Variants in TFDP2 observed in about 807,000 individuals in gnomAD.
TFDP2 encodes transcription factor Dp-2.
TFDP2 carries 17 observed loss-of-function variants against 59.3 expected under a neutral mutation model. The observed-to-expected ratio is 0.29, with a 90% CI of 0.20 to 0.43. The LOEUF (loss-of-function observed/expected upper bound fraction) is 0.43. Among genes scored for constraint, TFDP2 ranks in the 20% least tolerant of loss-of-function variants. The pLI, the probability that TFDP2 is intolerant of heterozygous loss-of-function variation, is 1.00. For synonymous variants in TFDP2, 180 were observed against 194.7 expected (o/e 0.92, Z 0.63); for missense variants, 391 against 528.8 (o/e 0.74, Z 2.56).
chr3:142,141,279 C>T (rs150284872), intron 1 of TFDP2, among the ~76,000 whole-genome samples: 2 of 152,218 alleles, frequency 1.3e-5, no homozygotes, highest in Non-Finnish European at 2.9e-5. Context: ...TCTGTCACGG[C>T]TTCCCTTGAC....
intron 3 of TFDP2, among the ~76,000 whole-genome samples, chr3:142,065,741 G>C (rs879585101): frequency 6.6e-6 from 1 of 152,048 alleles, no homozygotes; most frequent in Non-Finnish European, 1.5e-5. Context: ...TCAAACTCCT[G>C]ACCTCAAGTG....
At chr3:142,001,624 C>T (rs1359171973) in intron 4 of TFDP2, among the ~76,000 whole-genome samples, 1 of 152,176 alleles carries the variant, frequency 6.6e-6, no homozygotes, top group Non-Finnish European at 1.5e-5. Context: ...TTATTCTTTA[C>T]ATGGCCAAGC....
intron 1 of TFDP2, among the ~76,000 whole-genome samples, chr3:142,113,072 C>A (rs1465720742): frequency 6.6e-6 from 1 of 152,132 alleles, no homozygotes; most frequent in Non-Finnish European, 1.5e-5. Flanking sequence ...TCAAGCAGTA[C>A]AAGTCAAATT....
rs912451590 is a variant in TFDP2, at chr3:142,121,973, A to G, written c.-92-20132T>C. ...CTGTCTATTAAGACCTCAGAGAACA[A>G]GTTCAACCATGCCAACTTTCCCTCT... On this transcript the variant is annotated intron_variant, in intron 1 of 12. Transcript: ENST00000489671. The surrounding 1 kb of genome is among the most constrained non-coding windows in gnomAD (Gnocchi z 4.3). Among the ~76,000 whole-genome samples, 2 of 152,234 alleles carry G rather than the reference A, an allele frequency of 1.3e-5. No homozygotes were observed. Among genetic ancestry groups the G allele is most frequent in the African/African-American group, 4.8e-5 (2 of 41,462 alleles).
At chr3:142,148,908 C>T (rs1056571066) in intron 1 of TFDP2, among the ~76,000 whole-genome samples, 2 of 152,252 alleles carry the variant, frequency 1.3e-5, no homozygotes, top group Non-Finnish European at 2.9e-5. Flanking sequence ...AAGTAGAAAG[C>T]AGCCCTTCCC....
At chr3:141,953,222 A>T (rs1442507433) in intron 11 of TFDP2, among the ~76,000 whole-genome samples, 1 of 152,136 alleles carries the variant, frequency 6.6e-6, no homozygotes, top group Non-Finnish European at 1.5e-5. Context: ...GGAAAAAAAA[A>T]ATACGGGAAG....
chr3:142,005,685 C>T (rs998771257), intron 3 of TFDP2, 141 bp from the exon 4 acceptor site: 1 of 529,630 alleles, frequency 1.9e-6, no homozygotes, highest in African/African-American at 1.9e-5. Context: ...CAAAATACAC[C>T]TTACTGAAAA....
intron 4 of TFDP2, chr3:142,000,281 T>C (rs1560006238): frequency 4.3e-6 from 3 of 702,814 alleles, no homozygotes; most frequent in Non-Finnish European, 7.8e-6. Context: ...AGGTCCAAAA[T>C]GAAAGTGCCG....
At chr3:141,955,151 ACACAT>A (rs1936439800) in intron 11 of TFDP2, among the ~76,000 whole-genome samples, 1 of 152,200 alleles carries the variant, frequency 6.6e-6, no homozygotes, top group Non-Finnish European at 1.5e-5. Flanking sequence ...TGTGAGCATA[ACACAT>A]TACATTCTCT....
chr3:142,059,770 C>A (rs1348896506), intron 3 of TFDP2, among the ~76,000 whole-genome samples: 6 of 152,006 alleles, frequency 3.9e-5, no homozygotes, highest in African/African-American at 1.5e-4. Flanking sequence ...TTAGTAGAGA[C>A]GGGGTTTTGC....
chr3:142,117,636 C>T (rs1269656082), intron 1 of TFDP2, among the ~76,000 whole-genome samples: 1 of 152,154 alleles, frequency 6.6e-6, no homozygotes, highest in African/African-American at 2.4e-5. Context: ...GAGGTTAGGA[C>T]TTGATAGCTA....
At chr3:142,112,687 T>C (rs763262540) in intron 1 of TFDP2, among the ~76,000 whole-genome samples, 4 of 152,076 alleles carry the variant, frequency 2.6e-5, no homozygotes, top group African/African-American at 7.2e-5. Flanking sequence ...CCTGGCAAAT[T>C]GATTTTTTTT....
At chr3:142,034,786 G>A (rs994679016) in intron 3 of TFDP2, among the ~76,000 whole-genome samples, 2 of 150,482 alleles carry the variant, frequency 1.3e-5, no homozygotes, top group Non-Finnish European at 2.9e-5. Flanking sequence ...CGCAATCTCG[G>A]CTCACTGAAA....
At chr3:142,049,188 C>T (rs1947490543) in intron 3 of TFDP2, among the ~76,000 whole-genome samples, 1 of 152,110 alleles carries the variant, frequency 6.6e-6, no homozygotes. Flanking sequence ...AACTACGGCC[C>T]AATATCCCTC....
intron 11 of TFDP2, among the ~76,000 whole-genome samples, chr3:141,957,276 C>CA (rs1266590503): frequency 2.0e-5 from 3 of 152,190 alleles, no homozygotes; most frequent in Non-Finnish European, 4.4e-5. Context: ...CAAATTACGT[C>CA]ACCGCACTCC....
intron 8 of TFDP2, among the ~76,000 whole-genome samples, chr3:141,973,123 A>ATTTTT (rs761950988): frequency 3.4e-5 from 2 of 58,028 alleles, no homozygotes; most frequent in Non-Finnish European, 7.4e-5. Context: ...ATATATATAT[A>ATTTTT]TTTTTTTTTT....
At chr3:142,057,784 C>T (rs775427462) in intron 3 of TFDP2, among the ~76,000 whole-genome samples, 1 of 152,200 alleles carries the variant, frequency 6.6e-6, no homozygotes, top group Non-Finnish European at 1.5e-5. Context: ...TTATGTATGG[C>T]TACAGGGAGA....
At chr3:141,994,163 TTG>T (rs1044807303) in intron 5 of TFDP2, 2 of 152,278 alleles carry the variant, frequency 1.3e-5, no homozygotes, top group African/African-American at 4.8e-5. Flanking sequence ...TTTAATGTAT[TTG>T]TGTTTGTACA....
chr3:142,002,586 C>T (rs935962607), intron 4 of TFDP2, among the ~76,000 whole-genome samples: 4 of 152,078 alleles, frequency 2.6e-5, no homozygotes, highest in Admixed American at 1.3e-4. Flanking sequence ...TTCATGACCA[C>T]GGAGGTAATC....
Sources: gnomAD v4.1 joint callset for allele counts (sites outside exome capture counted in the v4.1 genomes callset) on GRCh38, gnomAD v4.1.1 for gene constraint, Gnocchi (gnomAD v3.1) non-coding constraint, MANE v1.5 for transcripts, NCBI Gene and HGNC (gene_info 2026-07-23, HGNC 2026-07-21) for gene names.